SLX4: variants seen among roughly 807,000 people sequenced by gnomAD.
The protein encoded by SLX4 is structure-specific endonuclease subunit SLX4.
Under a neutral mutation model 146.2 loss-of-function variants are expected in SLX4, and 112 were observed. That is an observed-to-expected ratio of 0.77 (90% CI 0.66 to 0.90). The LOEUF is 0.90. Ranked by LOEUF, SLX4 falls within the 40% of genes least tolerant of loss-of-function variation. The pLI is 0.00. For synonymous variants in SLX4, 1,061 were observed against 997.7 expected (o/e 1.06, Z -1.20); for missense variants, 2,563 against 2,392.7 (o/e 1.07, Z -1.49).
intron 5 of SLX4, 141 bp from the exon 6 acceptor site, chr16:3,598,140 C>T (rs2040687455): frequency 1.1e-6 from 1 of 928,262 alleles, no homozygotes; most frequent in Admixed American, 2.0e-5. Flanking sequence ...CCCCCACTTC[C>T]ACTGCCTTGT....
In SLX4 at chr16:3,600,977, A is replaced by T. The variant is rs773642409; in HGVS notation, c.1163+2T>A. 6.2e-6 allele frequency: 10 copies of T among 1,613,398 alleles called. No individual in the cohort carries two copies. In the South Asian group the frequency reaches 1.1e-4, roughly 18 times the overall value. On this transcript the variant is annotated splice_donor_variant, in intron 5 of 14. Coordinates refer to ENST00000294008, the MANE Select transcript of SLX4 (RefSeq NM_032444.4). LOFTEE classifies it high-confidence loss of function. ...TGGTTTTCTTCCTTTTCGTCGACTT[A>T]CCTGAACATGGGTGGGCTGCTGCTA...
At position 3,595,682 on chromosome 16, in the gene SLX4, C is replaced by T; in HGVS notation, c.1936G>A (p.Val646Met). The T allele has an allele frequency of 6.2e-7, 1 of 1,614,098 alleles. No homozygotes were observed. Among genetic ancestry groups the T allele is most frequent in the Non-Finnish European group, 8.5e-7 (1 of 1,180,036 alleles). ...CCAGTCAGAGGAAGGCCGCCGGGCA[C>T]CACGTCCAACCCTGAGTGGAGGATT... ...GSEGTAGLDVVPGGLPLTGFV... is the reference protein window; with the variant it reads ...GSEGTAGLDVMPGGLPLTGFV... The change falls in exon 9 of 15, where the codon GTG (valine) becomes ATG (methionine). Residue 646 changes from valine (V) to methionine (M), a missense_variant. Coordinates refer to ENST00000294008, the MANE Select transcript of SLX4 (RefSeq NM_032444.4).
rs1264895281 is a variant in SLX4 at position 3,596,261 on chromosome 16, G to A, written c.1816C>T (p.Gln606Ter). Residue 606 changes from glutamine to a stop codon, truncating the protein, a stop_gained, in exon 8 of 15, where the codon CAG (glutamine) becomes TAG (stop). Coordinates refer to ENST00000294008, the MANE Select transcript of SLX4 (RefSeq NM_032444.4). LOFTEE classifies it high-confidence loss of function. Reference protein sequence around the residue: ...GSRGPSPSASQREHQALQDLV... With the variant: ...GSRGPSPSAS ...TCCTGCAGGGCCTGGTGCTCCCTCT[G>A]GCTGGCCGAAGGCGACGGGCCCCTG... The A allele has an allele frequency of 6.4e-7, 1 of 1,561,640 alleles. No homozygotes were observed.
chr16:3,611,355 C>T (rs2040869128), intron 1 of SLX4, among the ~76,000 whole-genome samples: 2 of 152,270 alleles, frequency 1.3e-5, no homozygotes, highest in Non-Finnish European at 2.9e-5. Context: ...CCACCCTCCT[C>T]CCTCCAGGCG....
chr16:3,596,102 G>C, intron 8 of SLX4, 51 bp downstream of exon 8: 2 of 1,532,328 alleles, frequency 1.3e-6, no homozygotes, highest in Non-Finnish European at 1.8e-6. Context: ...CCGCGGGGAG[G>C]GGAGGCCCGG....
Position 3,596,250 on chromosome 16 carries a change from G to A in SLX4, c.1827C>T (p.His609=). 1.3e-6 allele frequency: 2 copies of A among 1,557,390 alleles called. No individual in the cohort carries two copies. Among genetic ancestry groups the A allele is most frequent in the Non-Finnish European group, 1.7e-6 (2 of 1,152,444 alleles). The stretch of plus-strand genomic sequence containing the variant: ...GGTCCACGAGGTCCTGCAGGGCCTG[G>A]TGCTCCCTCTGGCTGGCCGAAGGCG... ...GPSPSASQRE[H]QALQDLVDLA... The change falls in exon 8 of 15, where the codon CAC becomes CAT. Residue 609 remains histidine (H), a synonymous_variant. Transcript: ENST00000294008.
chr16:3,582,703 G>C lies in SLX4; in HGVS notation c.5154-10C>G. ...CTCACAGGAGGAAGAACTGAAAAGA[G>C]CCAGACCAGGACGTTGTGCAACCCC... is the stretch of plus-strand genomic sequence containing the variant. On this transcript the variant is annotated splice_polypyrimidine_tract_variant and intron_variant, in intron 14 of 14. Coordinates refer to ENST00000294008, the MANE Select transcript of SLX4 (RefSeq NM_032444.4). The C allele has an allele frequency of 6.2e-7, 1 of 1,607,496 alleles. No homozygotes were observed. Among genetic ancestry groups the C allele is most frequent in the Non-Finnish European group, 8.5e-7 (1 of 1,178,130 alleles).
In SLX4 at chr16:3,606,574, G is replaced by A. The variant is rs767206967; in HGVS notation, c.660C>T (p.Asp220=). Residue 220 remains aspartate, a synonymous_variant, in exon 3 of 15, where the codon GAC becomes GAT. Transcript: ENST00000294008. ...CTGAAGCGTGTCTCAAACGCTCGGG[G>A]TCTGCTCTCTTGAACTGCTGCATTC... ...LQRMQQFKRA[D]PERLRHASEE... 1.9e-6 allele frequency: 3 copies of A among 1,614,190 alleles called. No individual in the cohort carries two copies. The highest frequency in any genetic ancestry group is 2.5e-6 in the Non-Finnish European group (3 of 1,180,042).
At chr16:3,605,946 C>CAAAAAAA (rs1181232820) in intron 3 of SLX4, among the ~76,000 whole-genome samples, 1 of 27,030 alleles carries the variant, frequency 3.7e-5, no homozygotes, top group Non-Finnish European at 6.6e-5. Context: ...GACTCCATCT[C>CAAAAAAA]AAAAAAAAAA....
chr16:3,586,234 A>G (rs2040506995), intron 12 of SLX4, among the ~76,000 whole-genome samples: 1 of 152,178 alleles, frequency 6.6e-6, no homozygotes, highest in Non-Finnish European at 1.5e-5. Flanking sequence ...CAAATTAAAA[A>G]CAACCCGTGT....
chr16:3,582,270 C>T lies in SLX4; in HGVS notation c.*72G>A. 7.2e-7 allele frequency: 1 copy of T among 1,396,496 alleles called. No homozygotes were observed. Among genetic ancestry groups the T allele is most frequent in the Non-Finnish European group, 9.9e-7 (1 of 1,014,110 alleles). 86.5% of individuals were successfully genotyped at this position (1,396,496 alleles called of 1,614,324 possible). On this transcript the variant is annotated 3_prime_UTR_variant, in exon 15 of 15. Transcript: ENST00000294008. ...GGAGGCCTGACCCACGCTGGGTGTC[C>T]CAGGTCCTCCCTGCAAATGGCGGGG... is the stretch of plus-strand genomic sequence containing the variant.
rs1319120486 is a variant in SLX4, at chr16:3,609,266, G to T, written c.-302C>A. ...AACTGAAAATACAAAAAATTGGCCA[G>T]GCGTGGTAGCAGATGCCTGTAATCC... is the stretch of plus-strand genomic sequence containing the variant. On this transcript the variant is annotated 5_prime_UTR_variant, in exon 2 of 15. The change creates a new upstream start codon in the 5' untranslated region. Coordinates refer to ENST00000294008, the MANE Select transcript of SLX4 (RefSeq NM_032444.4). 2 of 346,140 alleles carry T rather than the reference G, an allele frequency of 5.8e-6. No individual in the cohort carries two copies. The highest frequency in any genetic ancestry group is 1.1e-5 in the Non-Finnish European group (2 of 179,008). 21.4% of individuals were successfully genotyped at this position (346,140 alleles called of 1,614,324 possible).
rs199592185 is a variant in SLX4, at chr16:3,583,210, C to A, written c.5040G>T (p.Arg1680Ser). The part of the protein sequence containing the change: ...KHHESITPPS[R>S]SPTKEAPPGL... ...CTGGAGGTGCCTCCTTGGTGGGCGA[C>A]CTGCTTGGGGGTGTGATGCTTTCAT... The change falls in exon 14 of 15, where the codon AGG becomes AGT. Residue 1680 changes from arginine to serine, a missense_variant. Physicochemically the swap from Arg to Ser is moderately radical, Grantham distance 110. Transcript: ENST00000294008. The A allele has an allele frequency of 7.1e-5, 115 of 1,614,170 alleles. 1 individual carries two copies. In the Middle Eastern group the frequency reaches 1.6e-3, roughly 23 times the overall value.
At chr16:3,585,588 A>G (rs1476626961) in intron 12 of SLX4, among the ~76,000 whole-genome samples, 2 of 148,340 alleles carry the variant, frequency 1.3e-5, no homozygotes, top group Non-Finnish European at 3.0e-5. Flanking sequence ...TCTGTCTCAA[A>G]AAAAAAAAAA....
In SLX4 at chr16:3,589,788, C is replaced by A. The variant is rs373107728; in HGVS notation, c.3850G>T (p.Val1284Leu). Reference sequence around the variant, plus strand: ...GGCGTGTGCTGAGTCACCGCCTGCACGGCCAGCCCGCTCCTGAGGCTGCTG... The same window carrying A: ...GGCGTGTGCTGAGTCACCGCCTGCAAGGCCAGCCCGCTCCTGAGGCTGCTG... ...QISSLRSGLA[V>L]QAVTQHTPRA... is the part of the protein sequence containing the mutation. The change falls in exon 12 of 15, where the codon GTG (valine) becomes TTG (leucine). Residue 1284 changes from valine to leucine, a missense_variant. By Grantham distance (32) the Val-to-Leu change is conservative. Transcript: ENST00000294008. The surrounding 1 kb of genome is among the most constrained non-coding windows in gnomAD (Gnocchi z 6.2). 3.1e-6 allele frequency: 5 copies of A among 1,613,374 alleles called. No individual in the cohort carries two copies. Among genetic ancestry groups the A allele is most frequent in the African/African-American group, 1.3e-5 (1 of 75,034 alleles).
In SLX4 at chr16:3,589,357, G is replaced by C. The variant is rs2151121647; in HGVS notation, c.4281C>G (p.Cys1427Trp). The C allele has an allele frequency of 6.3e-7, 1 of 1,583,522 alleles. No individual in the cohort carries two copies. Among genetic ancestry groups the C allele is most frequent in the Non-Finnish European group, 8.6e-7 (1 of 1,161,954 alleles). Residue 1427 changes from cysteine to tryptophan, a missense_variant, in exon 12 of 15, where the codon TGC becomes TGG. Transcript: ENST00000294008. This position sits in a 1 kb window ranked among gnomAD's most constrained non-coding sequence, Gnocchi z 6.2. ...SDPPIPIDDC[C>W]WHMEPLSPIP... ...TTGGCGAGAGGGGCTCCATGTGCCAGCAGCAGTCGTCAATTGGAATTGGGG... is the reference window on the plus strand; with the variant it reads ...TTGGCGAGAGGGGCTCCATGTGCCACCAGCAGTCGTCAATTGGAATTGGGG...
At chr16:3,585,908 T>G (rs894414997) in intron 12 of SLX4, among the ~76,000 whole-genome samples, 1 of 148,692 alleles carries the variant, frequency 6.7e-6, no homozygotes, top group African/African-American at 2.5e-5. Context: ...GAGGCTGAGG[T>G]GGGAGGATCA....
At chr16:3,611,593 ACTCGCGCGCCTGCGCATGCGC>A (rs1377354212) in exon 1 of SLX4, 1 of 151,896 alleles carries the variant, frequency 6.6e-6, no homozygotes, top group African/African-American at 2.4e-5. Context: ...CTTAACGGAG[ACTCGCGCGCCTGCGCATGCGC>A]CGCCCGCGCC....
chr16:3,601,917 G>A (rs571946830), intron 4 of SLX4: 1 of 597,344 alleles, frequency 1.7e-6, no homozygotes, highest in Admixed American at 2.8e-5. Context: ...CCCAAAAGTA[G>A]TGATTTGTTC....
Sources: gnomAD v4.1 joint callset for allele counts (sites outside exome capture counted in the v4.1 genomes callset) on GRCh38, gnomAD v4.1.1 for gene constraint, Gnocchi (gnomAD v3.1) non-coding constraint, MANE v1.5 for transcripts, NCBI Gene and HGNC (gene_info 2026-07-23, HGNC 2026-07-21) for gene names.